ETV6: variants seen among roughly 807,000 people sequenced by gnomAD.
ETV6 encodes the protein transcription factor ETV6.
A neutral mutation model predicts 51.1 loss-of-function variants in ETV6; 16 were observed. The ratio of observed to expected loss-of-function variants is 0.31; its 90% CI spans 0.21 to 0.48. The LOEUF is 0.48. Among genes scored for constraint, ETV6 ranks in the 20% least tolerant of loss-of-function variants. The pLI, the probability that ETV6 is intolerant of heterozygous loss-of-function variation, is 0.99. For synonymous variants in ETV6, 240 were observed against 224.1 expected, an observed-to-expected ratio of 1.07 and a Z score of -0.64; for missense variants, 458 against 594.8, an observed-to-expected ratio of 0.77 and a Z score of 2.39.
chr12:11,665,206 C>T (rs1002916351), intron 1 of ETV6, among the ~76,000 whole-genome samples: 2 of 152,150 alleles, frequency 1.3e-5, no homozygotes, highest in African/African-American at 4.8e-5. Flanking sequence ...CAGGGTTTCA[C>T]CAGGCTGGTC....
chr12:11,809,009 A>G (rs1379135588), intron 2 of ETV6, among the ~76,000 whole-genome samples: 3 of 152,098 alleles, frequency 2.0e-5, no homozygotes, highest in Non-Finnish European at 4.4e-5. Context: ...ACAAAAAAAT[A>G]CAAAAATTAG....
chr12:11,883,276 C>CTTCTTCTTTTTTTTTTTTT (rs776231778), intron 5 of ETV6, among the ~76,000 whole-genome samples: 20 of 79,100 alleles, frequency 2.5e-4, no homozygotes, highest in Non-Finnish European at 3.5e-4. Flanking sequence ...ATGTCTTCTT[C>CTTCTTCTTTTTTTTTTTTT]TTTTTTTTTT....
intron 1 of ETV6, among the ~76,000 whole-genome samples, chr12:11,735,116 A>G (rs1163546302): frequency 4.7e-5 from 3 of 64,420 alleles, no homozygotes; most frequent in Admixed American, 2.4e-4. Flanking sequence ...TTTTTTTACT[A>G]ATACTAGGTC....
intron 1 of ETV6, among the ~76,000 whole-genome samples, chr12:11,729,824 CT>C (rs1421963421): frequency 6.6e-6 from 1 of 152,182 alleles, no homozygotes; most frequent in Non-Finnish European, 1.5e-5. Context: ...AAGGTCACCT[CT>C]TTTGTAGTGA....
At chr12:11,825,144 G>A (rs1052064671) in intron 2 of ETV6, among the ~76,000 whole-genome samples, 1 of 152,104 alleles carries the variant, frequency 6.6e-6, no homozygotes, top group African/African-American at 2.4e-5. Context: ...AAAAAGATAC[G>A]AAGCGTGGGG....
chr12:11,744,958 C>T (rs1007858475), intron 1 of ETV6, among the ~76,000 whole-genome samples: 4 of 150,328 alleles, frequency 2.7e-5, no homozygotes, highest in African/African-American at 9.8e-5. Context: ...TGGAAAGTAT[C>T]TTAATTAAAA....
At chr12:11,749,397 ATCTG>A (rs1159426030) in intron 1 of ETV6, among the ~76,000 whole-genome samples, 2 of 150,720 alleles carry the variant, frequency 1.3e-5, no homozygotes, top group Non-Finnish European at 2.9e-5. Context: ...TCTGGTTTTC[ATCTG>A]TCTGACAATT....
chr12:11,742,329 A>G (rs147681122), intron 1 of ETV6, among the ~76,000 whole-genome samples: 192 of 152,082 alleles, frequency 1.3e-3, no homozygotes, highest in African/African-American at 4.5e-3. Context: ...CAGAAACAAA[A>G]CTCCCCAGAC....
rs1863857770 is a variant in ETV6 at position 11,649,970 on chromosome 12, C to G, written c.-158C>G. 2 of 527,152 alleles carry G rather than the reference C, an allele frequency of 3.8e-6. No individual in the cohort carries two copies. The highest frequency in any genetic ancestry group is 6.8e-5 in the Admixed American group (2 of 29,280). 32.7% of individuals were successfully genotyped at this position (527,152 alleles called of 1,614,324 possible). A position where few individuals can be genotyped will look rare whatever the true frequency, so the allele number is the denominator to read the frequency against. On this transcript the variant is annotated 5_prime_UTR_variant, in exon 1 of 8. Coordinates refer to ENST00000396373, the MANE Select transcript of ETV6 (RefSeq NM_001987.5). ...ACTCCGCCGGCCGCCCCGCCCCGCC[C>G]CGCGCGCTCCAGACCCCCGGGGCGG...
At chr12:11,695,578 A>G (rs1191419306) in intron 1 of ETV6, among the ~76,000 whole-genome samples, 2 of 152,182 alleles carry the variant, frequency 1.3e-5, no homozygotes, top group South Asian at 2.1e-4. Flanking sequence ...ATGTGACTCA[A>G]CACCTGGCAA....
chr12:11,733,204 T>G (rs915289219), intron 1 of ETV6, among the ~76,000 whole-genome samples: 1 of 152,086 alleles, frequency 6.6e-6, no homozygotes, highest in Non-Finnish European at 1.5e-5. Flanking sequence ...GTCAGGAGAT[T>G]GAGACTATCC....
chr12:11,756,447 G>A (rs1254497100), intron 2 of ETV6, among the ~76,000 whole-genome samples: 4 of 152,124 alleles, frequency 2.6e-5, no homozygotes, highest in South Asian at 4.1e-4. Context: ...GAGGGTAGAA[G>A]AGCCGAAGTA....
chr12:11,855,410 G>A (rs544007416), intron 4 of ETV6, among the ~76,000 whole-genome samples: 1 of 152,322 alleles, frequency 6.6e-6, no homozygotes, highest in Admixed American at 6.5e-5. Flanking sequence ...TGAGGGTCAT[G>A]ATCCTCCTGC....
intron 5 of ETV6, among the ~76,000 whole-genome samples, chr12:11,877,479 C>T (rs1947009198): frequency 6.6e-6 from 1 of 152,112 alleles, no homozygotes; most frequent in African/African-American, 2.4e-5. Flanking sequence ...CGCACACATG[C>T]ATCTGTGCAT....
chr12:11,895,050 G>A lies in ETV6; in HGVS notation c.*4004G>A, dbSNP rs900109117. Reference sequence around the variant, plus strand: ...TAATCCCTCCCTAAAACCCACAGAAGACTAACCTGATACTCTTTTGACCCA... The same window carrying A: ...TAATCCCTCCCTAAAACCCACAGAAAACTAACCTGATACTCTTTTGACCCA... On this transcript the variant is annotated 3_prime_UTR_variant, in exon 8 of 8. Coordinates refer to ENST00000396373, the MANE Select transcript of ETV6 (RefSeq NM_001987.5). The A allele has an allele frequency of 8.6e-6, 2 of 233,458 alleles. No individual in the cohort carries two copies. The highest frequency in any genetic ancestry group is 4.4e-5 in the African/African-American group (2 of 45,306). 14.5% of individuals were successfully genotyped at this position (233,458 alleles called of 1,614,324 possible). A position where few individuals can be genotyped will look rare whatever the true frequency, so the allele number is the denominator to read the frequency against.
intron 1 of ETV6, among the ~76,000 whole-genome samples, chr12:11,665,294 C>T (rs921552894): frequency 1.3e-5 from 2 of 152,248 alleles, no homozygotes; most frequent in Non-Finnish European, 2.9e-5. Context: ...CCACTATGCC[C>T]ATCCCATGTA....
intron 2 of ETV6, among the ~76,000 whole-genome samples, chr12:11,778,563 T>C (rs1013663669): frequency 6.6e-6 from 1 of 152,200 alleles, no homozygotes. Context: ...TGAAAACCTA[T>C]GTGGATGTCC....
chr12:11,779,334 T>G (rs1945378583), intron 2 of ETV6, among the ~76,000 whole-genome samples: 1 of 152,252 alleles, frequency 6.6e-6, no homozygotes, highest in Non-Finnish European at 1.5e-5. Flanking sequence ...CAGAACTCAG[T>G]ACTGAATTTG....
intron 2 of ETV6, among the ~76,000 whole-genome samples, chr12:11,794,188 C>A (rs1019974344): frequency 6.6e-6 from 1 of 152,188 alleles, no homozygotes; most frequent in Non-Finnish European, 1.5e-5. Context: ...TTCTCTCTCT[C>A]CATCCTGGAC....
Sources: gnomAD v4.1 joint callset for allele counts (sites outside exome capture counted in the v4.1 genomes callset) on GRCh38, gnomAD v4.1.1 for gene constraint, MANE v1.5 for transcripts, NCBI Gene and HGNC (gene_info 2026-07-23, HGNC 2026-07-21) for gene names.